The following PTPRD variants were observed in gnomAD, a reference collection of about 807,000 sequenced individuals.
PTPRD encodes protein tyrosine phosphatase receptor type D.
In PTPRD, 34 loss-of-function variants were observed where a neutral mutation model predicts 214.5. The observed-to-expected ratio is 0.16, with a 90% CI of 0.12 to 0.21. The LOEUF (loss-of-function observed/expected upper bound fraction) is 0.21. PTPRD is among the 10% of genes least tolerant of loss of function. The pLI, the probability that PTPRD is intolerant of heterozygous loss-of-function variation, is 1.00. For synonymous variants in PTPRD, 1,128 were observed against 845.7 expected (o/e 1.33, Z -5.79); for missense variants, 2,545 against 2,398.7 (o/e 1.06, Z -1.27).
At chr9:8,582,280 G>C (rs1364200165) in intron 14 of PTPRD, among the ~76,000 whole-genome samples, 7 of 152,142 alleles carry the variant, frequency 4.6e-5, no homozygotes, top group Admixed American at 2.0e-4. Context: ...ATCCATTTCA[G>C]ATGAGTTAAA....
intron 7 of PTPRD, among the ~76,000 whole-genome samples, chr9:9,578,268 T>C (rs73641321): frequency 0.044 from 6,766 of 152,106 alleles, 533 homozygotes; most frequent in African/African-American, 0.15. Context: ...ACTACAGAAA[T>C]CTTGAAAAGT....
chr9:8,328,397 G>C (rs938544233), intron 44 of PTPRD, among the ~76,000 whole-genome samples: 51 of 152,170 alleles, frequency 3.4e-4, no homozygotes, highest in African/African-American at 1.2e-3. Context: ...CTGTTAGTCT[G>C]ATGTGCTTCC....
intron 10 of PTPRD, among the ~76,000 whole-genome samples, chr9:9,140,724 G>T (rs551959282): frequency 6.8e-4 from 104 of 152,294 alleles, no homozygotes; most frequent in African/African-American, 2.4e-3. Context: ...GACTACAGGT[G>T]CCCGCCACCA....
At chr9:10,323,322 C>G (rs1270576039) in intron 3 of PTPRD, among the ~76,000 whole-genome samples, 2 of 134,616 alleles carry the variant, frequency 1.5e-5, no homozygotes, top group African/African-American at 5.5e-5. Context: ...TCCTCTTTTT[C>G]AGATGGGGTC....
intron 12 of PTPRD, among the ~76,000 whole-genome samples, chr9:8,670,465 T>A (rs556464387): frequency 5.5e-4 from 83 of 152,292 alleles, no homozygotes; most frequent in African/African-American, 1.9e-3. Flanking sequence ...TATTTTGCTT[T>A]CTGTGTCTGG....
At chr9:9,461,810 A>AATAGAATCT (rs1205089380) in intron 8 of PTPRD, among the ~76,000 whole-genome samples, 1 of 152,118 alleles carries the variant, frequency 6.6e-6, no homozygotes, top group African/African-American at 2.4e-5. Context: ...CTGTGCAGAG[A>AATAGAATCT]ATAGAATCTA....
intron 11 of PTPRD, among the ~76,000 whole-genome samples, chr9:8,990,186 C>T (rs781009644): frequency 4.6e-5 from 7 of 152,092 alleles, no homozygotes; most frequent in Non-Finnish European, 5.9e-5. Flanking sequence ...AAATCTGTGT[C>T]CACATTCAAC....
intron 14 of PTPRD, among the ~76,000 whole-genome samples, chr9:8,539,043 A>G (rs1382150664): frequency 6.6e-6 from 1 of 152,046 alleles, no homozygotes; most frequent in African/African-American, 2.4e-5. Context: ...TACTAAATGT[A>G]CACAGAAGCC....
chr9:9,901,452 C>A (rs1040354794), intron 5 of PTPRD, among the ~76,000 whole-genome samples: 3 of 151,774 alleles, frequency 2.0e-5, no homozygotes, highest in Admixed American at 6.6e-5. Context: ...TATGCTTTTA[C>A]AAAAGGATGA....
rs1027805436 is a variant in PTPRD at position 9,803,535 on chromosome 9, A to T, written c.-367-36684T>A. Among the ~76,000 whole-genome samples, 35 of 151,958 alleles carry T rather than the reference A, an allele frequency of 2.3e-4. 1 individual carries two copies. Among genetic ancestry groups the T allele is most frequent in the African/African-American group, 8.0e-4 (33 of 41,424 alleles). On this transcript the variant is annotated intron_variant, in intron 5 of 45. Transcript: ENST00000381196. ...TCAACTTATCATGATGAGCATCCCA[A>T]ATAGATAAAACTTCATGGCCAGCAG...
intron 14 of PTPRD, among the ~76,000 whole-genome samples, chr9:8,570,859 A>C (rs1287169143): frequency 6.6e-6 from 1 of 151,966 alleles, no homozygotes; most frequent in Non-Finnish European, 1.5e-5. Context: ...GGTCAGGAGA[A>C]AATTAATGGA....
chr9:8,845,273 T>C (rs2154537964), intron 11 of PTPRD, among the ~76,000 whole-genome samples: 1 of 152,308 alleles, frequency 6.6e-6, no homozygotes, highest in South Asian at 2.1e-4. Flanking sequence ...CAAGGCCAGT[T>C]GTCAAGAGGT....
intron 5 of PTPRD, among the ~76,000 whole-genome samples, chr9:9,925,137 A>G (rs2083821243): frequency 1.3e-5 from 2 of 152,144 alleles, no homozygotes; most frequent in African/African-American, 4.8e-5. Flanking sequence ...TAGCAGTACA[A>G]AATTAAATTA....
intron 8 of PTPRD, among the ~76,000 whole-genome samples, chr9:9,402,408 G>A (rs1480807440): frequency 6.6e-6 from 1 of 152,088 alleles, no homozygotes; most frequent in Non-Finnish European, 1.5e-5. Context: ...CACCCACAAG[G>A]ACAAAGAAAT....
At chr9:9,881,639 G>A (rs2068725088) in intron 5 of PTPRD, among the ~76,000 whole-genome samples, 1 of 152,222 alleles carries the variant, frequency 6.6e-6, no homozygotes, top group South Asian at 2.1e-4. Context: ...CAAAGAGCTG[G>A]AGGGATTTAT....
chr9:9,522,888 T>G (rs1367478669), intron 8 of PTPRD, among the ~76,000 whole-genome samples: 3 of 152,158 alleles, frequency 2.0e-5, no homozygotes, highest in Admixed American at 2.0e-4. Flanking sequence ...GCAAGTTGCC[T>G]GACATTTACA....
intron 2 of PTPRD, among the ~76,000 whole-genome samples, chr9:10,413,351 C>T (rs548463154): frequency 6.6e-6 from 1 of 152,006 alleles, no homozygotes; most frequent in African/African-American, 2.4e-5. Context: ...AATGCAGTGT[C>T]ATTCACAATT....
chr9:10,123,902 T>C (rs1428660234), intron 3 of PTPRD, among the ~76,000 whole-genome samples: 3 of 152,204 alleles, frequency 2.0e-5, no homozygotes, highest in Admixed American at 6.5e-5. Context: ...ATCTGGTGAA[T>C]GTTTGTGGAC....
chr9:9,260,933 A>G (rs1402929964), intron 9 of PTPRD, among the ~76,000 whole-genome samples: 3 of 151,854 alleles, frequency 2.0e-5, no homozygotes, highest in Non-Finnish European at 2.9e-5. Context: ...CCCAAAGATG[A>G]ATTACTTAGC....
Sources: gnomAD v4.1 joint callset for allele counts (sites outside exome capture counted in the v4.1 genomes callset) on GRCh38, gnomAD v4.1.1 for gene constraint, MANE v1.5 for transcripts, NCBI Gene and HGNC (gene_info 2026-07-23, HGNC 2026-07-21) for gene names.